Variants in BICRAL observed in about 807,000 individuals in gnomAD.
BICRAL encodes the protein BRD4-interacting chromatin-remodeling complex-associated protein-like.
In BICRAL, 8 loss-of-function variants were observed where a neutral mutation model predicts 91.8. The ratio of observed to expected loss-of-function variants is 0.09; its 90% CI spans 0.05 to 0.16. BICRAL has a LOEUF of 0.16. BICRAL is among the 10% of genes least tolerant of loss of function. BICRAL has a pLI of 1.00. For synonymous variants in BICRAL, 445 were observed against 491.1 expected (o/e 0.91, Z 1.24); for missense variants, 1,038 against 1,310.9 (o/e 0.79, Z 3.21).
chr6:42,753,692 AC>A (rs1366703410), intron 1 of BICRAL, among the ~76,000 whole-genome samples: 1 of 151,714 alleles, frequency 6.6e-6, no homozygotes, highest in East Asian at 1.9e-4. Context: ...GCTCAGTGCA[AC>A]CCCCGCCTCC....
intron 6 of BICRAL, among the ~76,000 whole-genome samples, chr6:42,832,487 C>T (rs1191704339): frequency 6.7e-6 from 1 of 148,642 alleles, no homozygotes; most frequent in Non-Finnish European, 1.5e-5. Context: ...CTTTGACTTA[C>T]TAATTTCACT....
intron 1 of BICRAL, among the ~76,000 whole-genome samples, chr6:42,751,497 T>C (rs1762380235): frequency 6.6e-6 from 1 of 152,084 alleles, no homozygotes; most frequent in Non-Finnish European, 1.5e-5. Context: ...AAGAAGTAAG[T>C]AGTGAAAGCA....
chr6:42,825,855 G>T (rs1217342302), intron 5 of BICRAL, among the ~76,000 whole-genome samples: 2 of 152,050 alleles, frequency 1.3e-5, no homozygotes, highest in African/African-American at 4.8e-5. Context: ...GCCGAAGTAG[G>T]TGGATCACCT....
chr6:42,824,563 T>C (rs1764234283), intron 5 of BICRAL, among the ~76,000 whole-genome samples: 1 of 152,308 alleles, frequency 6.6e-6, no homozygotes, highest in East Asian at 1.9e-4. Context: ...TGGATGATCT[T>C]GAACTCCTGA....
chr6:42,779,602 G>A (rs1433409609), upstream of BICRAL, among the ~76,000 whole-genome samples: 1 of 152,100 alleles, frequency 6.6e-6, no homozygotes, highest in African/African-American at 2.4e-5. Flanking sequence ...TATTTTTAAG[G>A]CACATTTAAA....
chr6:42,748,363 G>T (rs1303551052), intron 1 of BICRAL, among the ~76,000 whole-genome samples: 2 of 152,162 alleles, frequency 1.3e-5, no homozygotes, highest in Non-Finnish European at 2.9e-5. Context: ...GCTAAAGAAG[G>T]TTTATTGGAC....
intron 6 of BICRAL, among the ~76,000 whole-genome samples, chr6:42,832,608 T>TGTGTGTGTGTG (rs1554280625): frequency 6.7e-6 from 1 of 150,232 alleles, no homozygotes; most frequent in African/African-American, 2.5e-5. Flanking sequence ...TGTGTGTGTG[T>TGTGTGTGTGTG]TTGAAATAAC....
At chr6:42,802,428 T>TTTTG (rs1554277647) in intron 1 of BICRAL, among the ~76,000 whole-genome samples, 1,222 of 104,006 alleles carry the variant, frequency 0.012, 17 homozygotes, top group African/African-American at 0.033. Context: ...CGTGTTTTTT[T>TTTTG]TTGTTGTTGT....
chr6:42,781,304 GTT>G (rs1266493081), upstream of BICRAL, among the ~76,000 whole-genome samples: 3 of 152,084 alleles, frequency 2.0e-5, no homozygotes, highest in Non-Finnish European at 1.5e-5. Context: ...AGTCACTGAA[GTT>G]TTGTTTTCCT....
intron 1 of BICRAL, among the ~76,000 whole-genome samples, chr6:42,782,677 C>A (rs1450725305): frequency 6.6e-6 from 1 of 150,840 alleles, no homozygotes; most frequent in Non-Finnish European, 1.5e-5. Context: ...CTTTTAATGA[C>A]TCATTGATTG....
chr6:42,815,075 C>T (rs1211063318), intron 2 of BICRAL, among the ~76,000 whole-genome samples: 1 of 148,646 alleles, frequency 6.7e-6, no homozygotes, highest in Non-Finnish European at 1.5e-5. Context: ...ACGCCTGGCT[C>T]ATTTTTTTTG....
intron 11 of BICRAL, among the ~76,000 whole-genome samples, chr6:42,860,570 G>A (rs546439660): frequency 3.3e-5 from 5 of 152,184 alleles, no homozygotes; most frequent in Non-Finnish European, 5.9e-5. Flanking sequence ...CTTGTTTAAC[G>A]GATAAGGAAA....
intron 1 of BICRAL, among the ~76,000 whole-genome samples, chr6:42,775,374 G>A (rs1762792845): frequency 6.6e-6 from 1 of 152,154 alleles, no homozygotes. Context: ...AGTGTGCTTT[G>A]TGGTAGCACC....
intron 1 of BICRAL, among the ~76,000 whole-genome samples, chr6:42,747,549 A>G (rs1025551929): frequency 2.6e-5 from 4 of 152,128 alleles, no homozygotes; most frequent in Non-Finnish European, 5.9e-5. Context: ...TAAAACAAAC[A>G]AAACACACAT....
At chr6:42,758,684 T>TGGGTCCTTATGATGGAGTCG (rs2113828589) in intron 1 of BICRAL, among the ~76,000 whole-genome samples, 1 of 143,436 alleles carries the variant, frequency 7.0e-6, no homozygotes, top group East Asian at 2.0e-4. Context: ...AAATATAAGC[T>TGGGTCCTTATGATGGAGTCG]GGGTCCTTAT....
At chr6:42,834,901 C>A (rs1351307296) in intron 6 of BICRAL, among the ~76,000 whole-genome samples, 4 of 152,052 alleles carry the variant, frequency 2.6e-5, no homozygotes, top group Non-Finnish European at 4.4e-5. Flanking sequence ...ATTTAGAAAC[C>A]AAGATCTAAG....
In BICRAL at chr6:42,845,195, G is replaced by GGTTTTTTT. The variant is rs1562490931; in HGVS notation, c.1840-6897_1840-6896insGTTTTTTT. On this transcript the variant is annotated intron_variant, in intron 6 of 12. Transcript: ENST00000314073. ...CTTCTCTGTTTTTTGTTTTTTGGGT[G>GGTTTTTTT]TTTTTTTTTTTTTTTTTTTTTTTTT... Among the ~76,000 whole-genome samples the GGTTTTTTT allele has an allele frequency of 4.2e-3, 108 of 25,612 alleles. 29 individuals carry two copies. The highest frequency in any genetic ancestry group is 0.024 in the Middle Eastern group (1 of 42). 16.8% of individuals were successfully genotyped at this position (25,612 alleles called of 152,430 possible).
Position 42,865,436 on chromosome 6 carries a change from T to C in BICRAL, c.3230T>C (p.Leu1077Pro), listed in dbSNP as rs1765685115. 1 of 1,606,166 alleles carries C rather than the reference T, an allele frequency of 6.2e-7. No individual in the cohort carries two copies. Among genetic ancestry groups the C allele is most frequent in the Non-Finnish European group, 8.5e-7 (1 of 1,173,134 alleles). ...SILEAAVNSI[L>P]EC ...TTAGAAGCAGCTGTAAATAGTATCC[T>C]AGAGTGTTAATAGCAGCAGTCCTCC... Residue 1077 changes from leucine (L) to proline (P), a missense_variant, in exon 13 of 13, where the codon CTA becomes CCA. Physicochemically the swap from Leu to Pro is moderately conservative, Grantham distance 98 (BLOSUM62 -3). This residue lies in a region of BICRAL where 92 missense variants were observed against 147.8 expected (regional missense o/e 0.62). Coordinates refer to ENST00000314073, the MANE Select transcript of BICRAL (RefSeq NM_001393499.1).
At chr6:42,750,057 G>A (rs971390695) in intron 1 of BICRAL, among the ~76,000 whole-genome samples, 1 of 151,798 alleles carries the variant, frequency 6.6e-6, no homozygotes, top group Admixed American at 6.6e-5. Context: ...TAGAGGCGGG[G>A]TTTCACTATG....
Sources: gnomAD v4.1 joint callset for allele counts (sites outside exome capture counted in the v4.1 genomes callset) on GRCh38, gnomAD v4.1.1 for gene constraint, gnomAD v4.1.1 regional missense constraint, MANE v1.5 for transcripts, NCBI Gene and HGNC (gene_info 2026-07-23, HGNC 2026-07-21) for gene names.